Variants in PRKG1 observed in about 807,000 individuals in gnomAD.
The protein encoded by PRKG1 is cGMP-dependent protein kinase 1.
A neutral mutation model predicts 88.1 loss-of-function variants in PRKG1; 35 were observed. The ratio of observed to expected loss-of-function variants is 0.40; its 90% confidence interval spans 0.30 to 0.53. The LOEUF (loss-of-function observed/expected upper bound fraction) is 0.53, where lower values mean the gene tolerates loss of function less well. Among genes scored for constraint, PRKG1 ranks in the 20% least tolerant of loss-of-function variants. PRKG1 has a pLI of 0.59. For missense variants in PRKG1, 540 were observed against 839.8 expected, an observed-to-expected ratio of 0.64 and a Z score of 4.41; for synonymous variants, 303 against 292.5, an observed-to-expected ratio of 1.04 and a Z score of -0.37.
At chr10:52,062,448 C>G in intron 6 of PRKG1, 89 bp from the exon 7 acceptor site, 1 of 754,918 alleles carries the variant, frequency 1.3e-6, no homozygotes, top group Non-Finnish European at 2.0e-6. Flanking sequence ...AGAAAAGAAA[C>G]AAGAAACGGA....
intron 1 of PRKG1, chr10:51,062,757 G>C (rs1485015693): frequency 6.6e-6 from 1 of 151,970 alleles, no homozygotes; most frequent in African/African-American, 2.4e-5. Flanking sequence ...TGAGTAGCTG[G>C]AATTACAGGC....
chr10:51,439,077 G>A (rs754926360), intron 2 of PRKG1, among the ~76,000 whole-genome samples: 8 of 151,618 alleles, frequency 5.3e-5, no homozygotes, highest in Non-Finnish European at 1.2e-4. Context: ...TATTAGATAG[G>A]AAATCAATGT....
intron 3 of PRKG1, among the ~76,000 whole-genome samples, chr10:51,798,801 T>C (rs1313501695): frequency 6.6e-6 from 1 of 152,058 alleles, no homozygotes; most frequent in Non-Finnish European, 1.5e-5. Flanking sequence ...ATCACTTAGG[T>C]TAGTTTATAA....
At chr10:51,715,379 C>T (rs1564618628) in intron 3 of PRKG1, among the ~76,000 whole-genome samples, 1 of 152,046 alleles carries the variant, frequency 6.6e-6, no homozygotes, top group East Asian at 1.9e-4. Flanking sequence ...CCTGGGTGTC[C>T]TCTAGGCAGG....
chr10:51,829,108 A>G (rs1839943992), intron 4 of PRKG1, among the ~76,000 whole-genome samples: 1 of 152,176 alleles, frequency 6.6e-6, no homozygotes, highest in African/African-American at 2.4e-5. Flanking sequence ...ATCTGCTTCA[A>G]GCTCATTCAT....
chr10:52,097,716 C>G (rs1847204455), intron 7 of PRKG1, among the ~76,000 whole-genome samples: 1 of 151,586 alleles, frequency 6.6e-6, no homozygotes. Flanking sequence ...TCATTACATC[C>G]TAAAGCTAAT....
chr10:52,262,745 T>G (rs1841463285), intron 10 of PRKG1, among the ~76,000 whole-genome samples: 1 of 152,106 alleles, frequency 6.6e-6, no homozygotes, highest in Admixed American at 6.6e-5. Context: ...GATATCAAAA[T>G]TTACAGATGC....
At chr10:51,605,324 C>T (rs1469361323) in intron 3 of PRKG1, among the ~76,000 whole-genome samples, 1 of 152,166 alleles carries the variant, frequency 6.6e-6, no homozygotes, top group East Asian at 1.9e-4. Flanking sequence ...TCACTTAGGT[C>T]CGTAGGCACA....
chr10:51,063,295 A>G, intron 1 of PRKG1, among the ~76,000 whole-genome samples: 1 of 152,148 alleles, frequency 6.6e-6, no homozygotes, highest in East Asian at 1.9e-4. Context: ...CCTTTAGGTA[A>G]TTTTATCATT....
rs909034602 is a variant in PRKG1, at chr10:52,052,666, C to A, written c.763-1818C>A. Among the ~76,000 whole-genome samples, 5 of 152,104 alleles carry A rather than the reference C, an allele frequency of 3.3e-5. No individual in the cohort carries two copies. The East Asian group carries it at 5.8e-4, about 18-fold the overall frequency. On this transcript the variant is annotated intron_variant, in intron 5 of 17. Transcript: ENST00000373980. ...GGTGGCAGACAAGACACAATGAGAG[C>A]CAAGCCAAAGAGGAAACCCCTTATA...
intron 4 of PRKG1, among the ~76,000 whole-genome samples, chr10:51,860,810 C>A (rs1319792066): frequency 6.6e-6 from 1 of 152,088 alleles, no homozygotes; most frequent in African/African-American, 2.4e-5. Context: ...TGGACCAAAG[C>A]AAGAGGAGGC....
chr10:52,164,945 T>C (rs926384882), intron 9 of PRKG1, among the ~76,000 whole-genome samples: 2 of 152,198 alleles, frequency 1.3e-5, no homozygotes, highest in Non-Finnish European at 2.9e-5. Flanking sequence ...AAATTTCAAC[T>C]GTACAGTTTT....
At chr10:51,385,034 T>G (rs1333044513) in intron 2 of PRKG1, among the ~76,000 whole-genome samples, 1 of 152,238 alleles carries the variant, frequency 6.6e-6, no homozygotes, top group East Asian at 1.9e-4. Flanking sequence ...TTGTTGTTGA[T>G]GTAGGAAAAT....
intron 5 of PRKG1, among the ~76,000 whole-genome samples, chr10:52,022,160 C>G (rs181813933): frequency 6.6e-6 from 1 of 152,166 alleles, no homozygotes; most frequent in Non-Finnish European, 1.5e-5. Flanking sequence ...ACTGTGCTGC[C>G]CGATGAATTT....
At chr10:51,592,589 C>T (rs1353436607) in intron 3 of PRKG1, among the ~76,000 whole-genome samples, 1 of 152,136 alleles carries the variant, frequency 6.6e-6, no homozygotes, top group African/African-American at 2.4e-5. Context: ...TCGTCTGTCC[C>T]TAGGACTAGC....
intron 8 of PRKG1, among the ~76,000 whole-genome samples, chr10:52,153,436 A>G (rs189525209): frequency 8.3e-4 from 127 of 152,342 alleles, no homozygotes; most frequent in African/African-American, 3.0e-3. Context: ...ACCACAATTT[A>G]TGAGTGAAAT....
At chr10:52,034,720 T>C (rs981710072) in intron 5 of PRKG1, among the ~76,000 whole-genome samples, 13 of 151,796 alleles carry the variant, frequency 8.6e-5, no homozygotes, top group South Asian at 2.1e-4. Flanking sequence ...AGGGCATGTA[T>C]GAGTAGTTGA....
chr10:51,602,756 G>A lies in PRKG1; in HGVS notation c.592+134920G>A, dbSNP rs982686852. ...TATGTGTGTGTGTGTGTGTGTGTGT[G>A]TGTGTGTGTGTGTGTGTGTGTGTGT... On this transcript the variant is annotated intron_variant, in intron 3 of 17. Transcript: ENST00000373980. 6.8e-5 allele frequency among the ~76,000 whole-genome samples: 9 copies of A among 131,872 alleles called. No homozygotes were observed. The East Asian group carries it at 9.8e-4, about 14-fold the overall frequency. 86.5% of individuals were successfully genotyped at this position (131,872 alleles called of 152,430 possible). A position where few individuals can be genotyped will look rare whatever the true frequency, so the allele number is the denominator to read the frequency against.
In PRKG1 at chr10:50,991,681, G is replaced by C. The variant is rs886759528; in HGVS notation, c.266+37G>C. On this transcript the variant is annotated intron_variant, in intron 1 of 17. Transcript: ENST00000401604. The surrounding 1 kb of genome is among the most constrained non-coding windows in gnomAD (Gnocchi z 4.5). ...GGCCGTGGGCCCGGGCGCTCGTCCCGGCCCGCGGCGCAGAGGCTGGGGGCT... is the reference window on the plus strand; with the variant it reads ...GGCCGTGGGCCCGGGCGCTCGTCCCCGCCCGCGGCGCAGAGGCTGGGGGCT... The C allele has an allele frequency of 3.6e-6, 5 of 1,396,636 alleles. No individual in the cohort carries two copies. In the East Asian group the frequency reaches 1.7e-4, roughly 46 times the overall value. 86.5% of individuals were successfully genotyped at this position (1,396,636 alleles called of 1,614,324 possible).
Sources: allele counts gnomAD v4.1 joint callset (sites outside exome capture counted in the v4.1 genomes callset), GRCh38; gene constraint gnomAD v4.1.1; non-coding constraint Gnocchi (gnomAD v3.1); transcripts MANE v1.5; gene names NCBI Gene and HGNC (gene_info 2026-07-23, HGNC 2026-07-21).